MYH9: variants seen among roughly 807,000 people sequenced by gnomAD.
The protein encoded by MYH9 is myosin-9.
A neutral mutation model predicts 241.9 loss-of-function variants in MYH9; 29 were observed. The ratio of observed to expected loss-of-function variants is 0.12; its 90% CI spans 0.09 to 0.16. The LOEUF (loss-of-function observed/expected upper bound fraction) is 0.16. MYH9 is among the 10% of genes least tolerant of loss of function. The pLI, the probability that MYH9 is intolerant of heterozygous loss-of-function variation, is 1.00. For synonymous variants in MYH9, 1,047 were observed against 1,062.6 expected, an observed-to-expected ratio of 0.99 and a Z score of 0.29; for missense variants, 1,803 against 2,595.5, an observed-to-expected ratio of 0.69 and a Z score of 6.63.
chr22:36,387,501 A>G (rs1809697735), intron 1 of MYH9, among the ~76,000 whole-genome samples: 1 of 151,658 alleles, frequency 6.6e-6, no homozygotes, highest in South Asian at 2.1e-4. Flanking sequence ...GGTCGGCTCC[A>G]GTGCCCAGTC....
At chr22:36,364,143 T>C (rs985344440) in intron 1 of MYH9, among the ~76,000 whole-genome samples, 1 of 152,224 alleles carries the variant, frequency 6.6e-6, no homozygotes, top group South Asian at 2.1e-4. Context: ...AGATCACTTT[T>C]GAAGGTTGCT....
rs570087445 is a variant in MYH9 at position 36,384,297 on chromosome 22, T to C, written c.-20+3510A>G. On this transcript the variant is annotated intron_variant, in intron 1 of 40. Coordinates refer to ENST00000216181, the MANE Select transcript of MYH9 (RefSeq NM_002473.6). ...AACAAACAAACAAACAAAAACCATA[T>C]ATGAGCCGGGCACGGTGGCTCACAC... Among the ~76,000 whole-genome samples, 4 of 144,142 alleles carry C rather than the reference T, an allele frequency of 2.8e-5. No homozygotes were observed. The South Asian group carries it at 6.6e-4, about 24-fold the overall frequency. The allele number at this position is 144,142 out of a possible 152,430, so 94.6% of individuals were successfully genotyped here. A position where few individuals can be genotyped will look rare whatever the true frequency, so the allele number is the denominator to read the frequency against.
chr22:36,289,394 G>A (rs753108455), intron 31 of MYH9, 97 bp from the exon 32 acceptor site: 74 of 1,183,200 alleles, frequency 6.3e-5, no homozygotes, highest in Non-Finnish European at 8.5e-5. Flanking sequence ...GAGCCCAGAG[G>A]CCACGGTGGA....
At chr22:36,314,954 AT>A (rs2017127371) in intron 12 of MYH9, among the ~76,000 whole-genome samples, 1 of 151,806 alleles carries the variant, frequency 6.6e-6, no homozygotes, top group African/African-American at 2.4e-5. Flanking sequence ...AGGCCCTTCT[AT>A]TTTTTTATTG....
At chr22:36,298,030 C>A (rs2016815533) in intron 24 of MYH9, among the ~76,000 whole-genome samples, 1 of 152,176 alleles carries the variant, frequency 6.6e-6, no homozygotes, top group African/African-American at 2.4e-5. Flanking sequence ...GTCTTCCGGG[C>A]TCCTCCCAGG....
rs746654540 is a variant in MYH9 at position 36,330,337 on chromosome 22, C to CG, written c.491-2850dup. The stretch of plus-strand genomic sequence containing the variant: ...GCACTGCTTAGTATCCTAAATCCAC[C>CG]GGCCGGATGCACCACGAATCGTACC... On this transcript the variant is annotated intron_variant, in intron 3 of 40. Coordinates refer to ENST00000216181, the MANE Select transcript of MYH9 (RefSeq NM_002473.6). This position sits in a 1 kb window ranked among gnomAD's most constrained non-coding sequence, Gnocchi z 4.5. 1.3e-5 allele frequency among the ~76,000 whole-genome samples: 2 copies of CG among 152,250 alleles called. No individual in the cohort carries two copies. Among genetic ancestry groups the CG allele is most frequent in the Non-Finnish European group, 2.9e-5 (2 of 68,046 alleles).
chr22:36,302,673 T>C lies in MYH9; in HGVS notation c.2394A>G (p.Ala798=), dbSNP rs150702310. 3.1e-6 allele frequency: 5 copies of C among 1,613,038 alleles called. No homozygotes were observed. The highest frequency in any genetic ancestry group is 4.2e-6 in the Non-Finnish European group (5 of 1,179,604). ...TAAGCTGCTGCTGCCGCTTGGCAAA[T>C]GCTCTGTGTGGTGAGGAACATGGTC... is the stretch of plus-strand genomic sequence containing the variant. ...ACCRGYLARK[A]FAKRQQQLTA... is the part of the protein sequence containing the mutation. The change falls in exon 20 of 41, where the codon GCA becomes GCG. Residue 798 remains alanine, a synonymous_variant. Coordinates refer to ENST00000216181, the MANE Select transcript of MYH9 (RefSeq NM_002473.6).
rs566353192 is a variant in MYH9 at position 36,288,001 on chromosome 22, T to C, written c.4932+251A>G. ...TGAACTCCACCCATGTCTAGGCTTG[T>C]ACTTGTTTGCTTCTGTGTTTTATGT... On this transcript the variant is annotated intron_variant, in intron 34 of 40. Coordinates refer to ENST00000216181, the MANE Select transcript of MYH9 (RefSeq NM_002473.6). The surrounding 1 kb of genome is among the most constrained non-coding windows in gnomAD (Gnocchi z 4.8). Among the ~76,000 whole-genome samples, 12 of 152,336 alleles carry C rather than the reference T, an allele frequency of 7.9e-5. No homozygotes were observed. Among genetic ancestry groups the C allele is most frequent in the African/African-American group, 2.9e-4 (12 of 41,590 alleles).
chr22:36,299,223 A>T (rs951392575), intron 23 of MYH9, among the ~76,000 whole-genome samples, 181 bp from the exon 24 acceptor site: 1 of 152,138 alleles, frequency 6.6e-6, no homozygotes, highest in Non-Finnish European at 1.5e-5. Flanking sequence ...GCTCCCCTGA[A>T]ACAGCGAGGT....
At chr22:36,319,929 A>G in intron 9 of MYH9, 1 of 606,748 alleles carries the variant, frequency 1.6e-6, no homozygotes, top group Non-Finnish European at 2.9e-6. Context: ...TCCCCGAGAC[A>G]GGACGTGAAT....
chr22:36,332,398 G>C (rs2017435270), intron 3 of MYH9, among the ~76,000 whole-genome samples: 1 of 152,218 alleles, frequency 6.6e-6, no homozygotes, highest in Admixed American at 6.5e-5. Flanking sequence ...CAGCAAAGGA[G>C]GAAGCCCCTT....
chr22:36,319,715 A>T, intron 9 of MYH9, 80 bp from the exon 10 acceptor site: 1 of 1,392,282 alleles, frequency 7.2e-7, no homozygotes. Flanking sequence ...TCATCTAGGG[A>T]TCCTCAAGCC....
chr22:36,308,784 G>A (rs1759630211), intron 15 of MYH9: 4 of 980,056 alleles, frequency 4.1e-6, no homozygotes, highest in African/African-American at 1.8e-5. Context: ...ACACACAAGA[G>A]ACACCACTCG....
chr22:36,319,839 C>T lies in MYH9; in HGVS notation c.1013-204G>A, dbSNP rs1204575045. Reference sequence around the variant, plus strand: ...CCTAGAGGGCTCACCCCCTCCTGGCCGACATGGCCTGTCCGCACTGCCATT... The same window carrying T: ...CCTAGAGGGCTCACCCCCTCCTGGCTGACATGGCCTGTCCGCACTGCCATT... On this transcript the variant is annotated intron_variant, in intron 9 of 40. Coordinates refer to ENST00000216181, the MANE Select transcript of MYH9 (RefSeq NM_002473.6). The T allele has an allele frequency of 6.0e-5, 40 of 661,946 alleles. No homozygotes were observed. The Admixed American group carries it at 8.2e-4, about 14-fold the overall frequency. 41.0% of individuals were successfully genotyped at this position (661,946 alleles called of 1,614,324 possible).
Position 36,312,128 on chromosome 22 carries a change from T to C in MYH9, c.1649A>G (p.Gln550Arg). Residue 550 changes from glutamine to arginine, a missense_variant, in exon 14 of 41, where the codon CAG becomes CGG. Gln to Arg is a conservative substitution (Grantham distance 43, BLOSUM62 1). Around this residue, in one of 11 missense-constraint regions of MYH9, gnomAD observed 163 missense variants for 349.7 expected, o/e 0.47. Coordinates refer to ENST00000216181, the MANE Select transcript of MYH9 (RefSeq NM_002473.6). ...CTTCTGGAACTTGGGGTGGGTGCCC[T>C]GCTCCTGCATCACCTTCTCCACGAA... is the stretch of plus-strand genomic sequence containing the variant. ...KSFVEKVMQE[Q>R]GTHPKFQKPK... is the part of the protein sequence containing the mutation. 6.2e-7 allele frequency: 1 copy of C among 1,614,200 alleles called. No individual in the cohort carries two copies. Among genetic ancestry groups the C allele is most frequent in the Non-Finnish European group, 8.5e-7 (1 of 1,180,032 alleles).
intron 4 of MYH9, 22 bp from the exon 5 acceptor site, chr22:36,326,683 T>C: frequency 6.2e-7 from 1 of 1,607,588 alleles, no homozygotes; most frequent in Non-Finnish European, 8.5e-7. Context: ...GGCAAGGAAG[T>C]CCCGGGCTTA....
chr22:36,310,392 C>T (rs141633500), intron 14 of MYH9, among the ~76,000 whole-genome samples: 32 of 152,324 alleles, frequency 2.1e-4, no homozygotes, highest in Non-Finnish European at 2.6e-4. Flanking sequence ...AGGCATGAGC[C>T]CCTGTGCTCT....
intron 1 of MYH9, among the ~76,000 whole-genome samples, chr22:36,357,783 G>A (rs1377581565): frequency 6.6e-6 from 1 of 152,150 alleles, no homozygotes; most frequent in Non-Finnish European, 1.5e-5. Context: ...TTGTCACCAA[G>A]GAATGACAGC....
At position 36,309,268 on chromosome 22, in the gene MYH9, G is replaced by T. The variant is rs372865551; in HGVS notation, c.1843+14C>A. ...AGCCAAGAGGAGGCAGGGGGCGAAG[G>T]GCAAAGGGCGTACCATCCTTCCACA... On this transcript the variant is annotated intron_variant, in intron 15 of 40. Transcript: ENST00000216181. 199 of 1,610,208 alleles carry T rather than the reference G, an allele frequency of 1.2e-4. No homozygotes were observed. The African/African-American group carries it at 2.2e-3, about 18-fold the overall frequency.
Sources: allele counts gnomAD v4.1 joint callset (sites outside exome capture counted in the v4.1 genomes callset), GRCh38; gene constraint gnomAD v4.1.1; regional missense constraint gnomAD v4.1.1; non-coding constraint Gnocchi (gnomAD v3.1); transcripts MANE v1.5; gene names NCBI Gene and HGNC (gene_info 2026-07-23, HGNC 2026-07-21).